The following CAMK2D variants were observed in gnomAD, a reference collection of about 807,000 sequenced individuals.
The protein encoded by CAMK2D is calcium/calmodulin dependent protein kinase II delta.
Under a neutral mutation model 84.0 loss-of-function variants are expected in CAMK2D, and 37 were observed. That is an observed-to-expected ratio of 0.44 (90% CI 0.34 to 0.58). The LOEUF (loss-of-function observed/expected upper bound fraction) is 0.58, where lower values mean the gene tolerates loss of function less well. Among genes scored for constraint, CAMK2D ranks in the 20% least tolerant of loss-of-function variants. The pLI is 0.02. For synonymous variants in CAMK2D, 202 were observed against 212.5 expected, an observed-to-expected ratio of 0.95 and a Z score of 0.43; for missense variants, 448 against 652.5, an observed-to-expected ratio of 0.69 and a Z score of 3.41.
chr4:113,616,978 T>G (rs1447576964), intron 3 of CAMK2D, among the ~76,000 whole-genome samples: 1 of 152,150 alleles, frequency 6.6e-6, no homozygotes, highest in Non-Finnish European at 1.5e-5. Flanking sequence ...ATTTCAAGAG[T>G]ATTGAAACAA....
At chr4:113,720,795 A>G (rs1382628954) in intron 2 of CAMK2D, among the ~76,000 whole-genome samples, 1 of 152,144 alleles carries the variant, frequency 6.6e-6, no homozygotes, top group Non-Finnish European at 1.5e-5. Flanking sequence ...CATATTCTCA[A>G]TATGAAATTC....
intron 1 of CAMK2D, among the ~76,000 whole-genome samples, 189 bp downstream of exon 1, chr4:113,760,815 G>T (rs1485401519): frequency 6.6e-6 from 1 of 151,984 alleles, no homozygotes; most frequent in Non-Finnish European, 1.5e-5. Flanking sequence ...TTGGAGTAAG[G>T]GTCCTACCCC....
At chr4:113,620,164 C>T (rs2099039533) in intron 3 of CAMK2D, among the ~76,000 whole-genome samples, 1 of 152,082 alleles carries the variant, frequency 6.6e-6, no homozygotes, top group African/African-American at 2.4e-5. Flanking sequence ...TAACTATGGT[C>T]TTATAAAAGC....
At chr4:113,474,498 CTTTTTTT>C (rs70961831) in intron 16 of CAMK2D, among the ~76,000 whole-genome samples, 36 of 89,842 alleles carry the variant, frequency 4.0e-4, no homozygotes, top group Admixed American at 8.2e-4. Flanking sequence ...CCTTTTTGGC[CTTTTTTT>C]TTTTTTTTTT....
intron 3 of CAMK2D, among the ~76,000 whole-genome samples, chr4:113,609,843 G>T (rs910419305): frequency 3.9e-5 from 6 of 152,108 alleles, no homozygotes; most frequent in African/African-American, 1.4e-4. Flanking sequence ...TGTACAGCTT[G>T]AACTTTTGCT....
At chr4:113,618,634 A>G (rs2099031802) in intron 3 of CAMK2D, among the ~76,000 whole-genome samples, 1 of 152,196 alleles carries the variant, frequency 6.6e-6, no homozygotes, top group South Asian at 2.1e-4. Context: ...TATATTATCC[A>G]ATAACATTTG....
chr4:113,588,240 C>A (rs1197425003), intron 4 of CAMK2D, among the ~76,000 whole-genome samples: 1 of 152,172 alleles, frequency 6.6e-6, no homozygotes, highest in Admixed American at 6.5e-5. Context: ...TCAGGCTCCC[C>A]GGGTAATTGA....
At chr4:113,743,389 A>G (rs2099597085) in intron 2 of CAMK2D, among the ~76,000 whole-genome samples, 1 of 152,208 alleles carries the variant, frequency 6.6e-6, no homozygotes, top group South Asian at 2.1e-4. Context: ...ATTTTTGGAC[A>G]CTTTGGTGCT....
chr4:113,509,733 C>A, intron 12 of CAMK2D, 58 bp from the exon 13 acceptor site: 1 of 1,251,740 alleles, frequency 8.0e-7, no homozygotes, highest in East Asian at 2.3e-5. Flanking sequence ...CACAGCCAGA[C>A]AACAAAGCAG....
chr4:113,470,623 C>A (rs1038925029), intron 16 of CAMK2D, among the ~76,000 whole-genome samples: 1 of 144,330 alleles, frequency 6.9e-6, no homozygotes, highest in Admixed American at 7.5e-5. Flanking sequence ...GGTGACAGAG[C>A]GAGACTTTGT....
At position 113,452,271 on chromosome 4, in the gene CAMK2D, G is replaced by A. The variant is rs550796955; in HGVS notation, c.*2274C>T. 6.6e-6 allele frequency: 1 copy of A among 152,176 alleles called. No homozygotes were observed. The highest frequency in any genetic ancestry group is 1.5e-5 in the Non-Finnish European group (1 of 68,016). The allele number at this position is 152,176 out of a possible 1,614,324, so 9.4% of individuals were successfully genotyped here. A position where few individuals can be genotyped will look rare whatever the true frequency, so the allele number is the denominator to read the frequency against. ...AAGAGACCATTGTTTTGCTCACAGA[G>A]AACAATTAACTTGCCATTCTCACCA... On this transcript the variant is annotated 3_prime_UTR_variant, in exon 21 of 21. Coordinates refer to ENST00000511664, the MANE Select transcript of CAMK2D (RefSeq NM_001321571.2).
intron 3 of CAMK2D, among the ~76,000 whole-genome samples, chr4:113,635,551 C>G (rs993504881): frequency 9.8e-5 from 15 of 152,300 alleles, no homozygotes; most frequent in African/African-American, 3.6e-4. Context: ...GTATCCAGGA[C>G]TCAAATACAA....
chr4:113,577,833 T>G (rs1430738671), intron 4 of CAMK2D, among the ~76,000 whole-genome samples: 1 of 152,080 alleles, frequency 6.6e-6, no homozygotes, highest in Non-Finnish European at 1.5e-5. Context: ...TTCCCCATGT[T>G]CCATGTGTTT....
chr4:113,603,773 TTATATATATA>T (rs139576985), intron 4 of CAMK2D, among the ~76,000 whole-genome samples: 54 of 127,962 alleles, frequency 4.2e-4, no homozygotes, highest in East Asian at 1.5e-3. Context: ...TCTTGCTATT[TTATATATATA>T]TATATATATA....
intron 4 of CAMK2D, among the ~76,000 whole-genome samples, chr4:113,584,745 G>T (rs2098826296): frequency 6.6e-6 from 1 of 152,112 alleles, no homozygotes; most frequent in African/African-American, 2.4e-5. Context: ...GACCCAGCAG[G>T]CTACATATAA....
chr4:113,595,440 TTGTGTGTG>T lies in CAMK2D; in HGVS notation c.275+13704_275+13711del, dbSNP rs71582188. ...CAACAATTTATTCAATTATGTATGC[TTGTGTGTG>T]TGTGTGTGTGTGTGTGTGTGTGTGT... On this transcript the variant is annotated intron_variant, in intron 4 of 20. Transcript: ENST00000511664. Among the ~76,000 whole-genome samples, 320 of 143,464 alleles carry T rather than the reference TTGTGTGTG, an allele frequency of 2.2e-3. 1 individual carries two copies. The highest frequency in any genetic ancestry group is 5.7e-3 in the African/African-American group (228 of 40,210). The allele number at this position is 143,464 out of a possible 152,430, so 94.1% of individuals were successfully genotyped here.
chr4:113,732,675 C>T (rs1421818890), intron 2 of CAMK2D, among the ~76,000 whole-genome samples: 1 of 152,112 alleles, frequency 6.6e-6, no homozygotes, highest in African/African-American at 2.4e-5. Context: ...ACAATTTAGG[C>T]ACTTTATAAC....
chr4:113,464,430 T>C (rs1424595128), intron 17 of CAMK2D, among the ~76,000 whole-genome samples: 1 of 152,254 alleles, frequency 6.6e-6, no homozygotes, highest in East Asian at 1.9e-4. Flanking sequence ...ATACACGTTT[T>C]ATCTATTTAG....
chr4:113,576,509 G>C (rs2098783356), intron 4 of CAMK2D, among the ~76,000 whole-genome samples: 1 of 151,858 alleles, frequency 6.6e-6, no homozygotes, highest in African/African-American at 2.4e-5. Flanking sequence ...CTAGAAGAGT[G>C]TGTGTGTGTG....
Sources: allele counts gnomAD v4.1 joint callset (sites outside exome capture counted in the v4.1 genomes callset), GRCh38; gene constraint gnomAD v4.1.1; transcripts MANE v1.5; gene names NCBI Gene and HGNC (gene_info 2026-07-23, HGNC 2026-07-21).